The following GPRIN3 variants were observed in gnomAD, a reference collection of about 807,000 sequenced individuals.
GPRIN3 encodes the protein GPRIN family member 3, also known as G protein-regulated inducer of neurite outgrowth 3.
Under a neutral mutation model 13.7 loss-of-function variants are expected in GPRIN3, and 12 were observed. The ratio of observed to expected loss-of-function variants is 0.87; its 90% CI spans 0.56 to 1.42. GPRIN3 has a LOEUF of 1.42. Ranked by LOEUF, GPRIN3 falls within the 40% of genes most tolerant of loss-of-function variation. The pLI is 0.00. For synonymous variants in GPRIN3, 377 were observed against 372.7 expected (o/e 1.01, Z -0.13); for missense variants, 1,009 against 958.7 (o/e 1.05, Z -0.69).
At chr4:89,284,303 A>T (rs1446735594) in intron 1 of GPRIN3, among the ~76,000 whole-genome samples, 3 of 152,198 alleles carry the variant, frequency 2.0e-5, no homozygotes, top group Non-Finnish European at 2.9e-5. Flanking sequence ...GCCATTCAGA[A>T]TTACTGTCCC....
intron 1 of GPRIN3, among the ~76,000 whole-genome samples, chr4:89,288,749 A>G (rs550801304): frequency 1.7e-4 from 26 of 152,328 alleles, no homozygotes; most frequent in Middle Eastern, 6.8e-3. Flanking sequence ...TATCTTAAAA[A>G]GGAACCATCA....
chr4:89,247,840 C>T lies in GPRIN3; in HGVS notation c.2271G>A (p.Leu757=). 1 of 1,614,130 alleles carries T rather than the reference C, an allele frequency of 6.2e-7. No individual in the cohort carries two copies. Among genetic ancestry groups the T allele is most frequent in the Non-Finnish European group, 8.5e-7 (1 of 1,179,990 alleles). The change falls in exon 2 of 2, where the codon CTG becomes CTA. Residue 757 remains leucine (L), a synonymous_variant. Coordinates refer to ENST00000609438, the MANE Select transcript of GPRIN3 (RefSeq NM_198281.3). ...AGCAGTTGGGGCGTCGGAAGTTCTG[C>T]AGCATGGACTGGAAAACACTGTGCT... ...GRQHSVFQSM[L]QNFRRPNCCV...
intron 1 of GPRIN3, among the ~76,000 whole-genome samples, chr4:89,268,479 A>G (rs1723841778): frequency 1.3e-5 from 2 of 152,196 alleles, no homozygotes; most frequent in African/African-American, 4.8e-5. Flanking sequence ...GATGTTTGTG[A>G]GTGGCTATGC....
chr4:89,268,365 A>G (rs1723839287), intron 1 of GPRIN3, among the ~76,000 whole-genome samples: 1 of 152,220 alleles, frequency 6.6e-6, no homozygotes, highest in African/African-American at 2.4e-5. Context: ...CAAGGCTAGA[A>G]AAAGAATCAG....
chr4:89,254,070 C>A (rs947549511), intron 1 of GPRIN3, among the ~76,000 whole-genome samples: 1 of 151,510 alleles, frequency 6.6e-6, no homozygotes, highest in African/African-American at 2.4e-5. Flanking sequence ...AAATGAGGTG[C>A]AAACAGGTGG....
Position 89,262,125 on chromosome 4 carries a change from CAA to C in GPRIN3, c.-123-11894_-123-11893del, listed in dbSNP as rs61290252. Among the ~76,000 whole-genome samples the C allele has an allele frequency of 3.1e-3, 168 of 53,842 alleles. 1 individual carries two copies. The highest frequency in any genetic ancestry group is 8.0e-3 in the African/African-American group (147 of 18,472). 35.3% of individuals were successfully genotyped at this position (53,842 alleles called of 152,430 possible). On this transcript the variant is annotated intron_variant, in intron 1 of 1. Coordinates refer to ENST00000609438, the MANE Select transcript of GPRIN3 (RefSeq NM_198281.3). The stretch of plus-strand genomic sequence containing the variant: ...TAGATGACGGAGTGAGACCCAGTCT[CAA>C]AAAAAAAAAAAAAAAAAGAATTGAT...
At position 89,249,943 on chromosome 4, in the gene GPRIN3, G is replaced by A. The variant is rs772518054; in HGVS notation, c.168C>T (p.Leu56=). Residue 56 remains leucine, a synonymous_variant, in exon 2 of 2, where the codon CTC becomes CTT. Coordinates refer to ENST00000609438, the MANE Select transcript of GPRIN3 (RefSeq NM_198281.3). ...GFSGAPAEPD[L]SPRAAAEALM... ...GGGCTTCGGCAGCTGCCCTGGGGCT[G>A]AGGTCTGGTTCTGCAGGGGCACCTG... 1 of 1,614,204 alleles carries A rather than the reference G, an allele frequency of 6.2e-7. No individual in the cohort carries two copies. The highest frequency in any genetic ancestry group is 8.5e-7 in the Non-Finnish European group (1 of 1,180,026).
chr4:89,286,095 AT>A (rs1724406598), intron 1 of GPRIN3, among the ~76,000 whole-genome samples: 1 of 105,748 alleles, frequency 9.5e-6, no homozygotes, highest in African/African-American at 3.9e-5. Context: ...GTGTGTGTAT[AT>A]ATATATATAT....
rs1019102038 is a variant in GPRIN3, at chr4:89,249,588, C to A, written c.523G>T (p.Gly175Ter). 1.2e-6 allele frequency: 2 copies of A among 1,613,976 alleles called. No homozygotes were observed. Among genetic ancestry groups the A allele is most frequent in the African/African-American group, 2.7e-5 (2 of 74,896 alleles). ...EQPEKPSCPV[G>*]GVLSSSKDQV... Reference sequence around the variant, plus strand: ...TCTTTGCTGCTACTGAGGACGCCTCCCACAGGACAACTTGGTTTCTCAGGT... The same window carrying A: ...TCTTTGCTGCTACTGAGGACGCCTCACACAGGACAACTTGGTTTCTCAGGT... Residue 175 changes from glycine to a stop codon, truncating the protein, a stop_gained, in exon 2 of 2, where the codon GGA becomes TGA. Coordinates refer to ENST00000609438, the MANE Select transcript of GPRIN3 (RefSeq NM_198281.3). LOFTEE classifies it low-confidence loss of function (END_TRUNC).
At chr4:89,270,912 A>C (rs9991188) in intron 1 of GPRIN3, among the ~76,000 whole-genome samples, 65,143 of 151,558 alleles carry the variant, frequency 0.43, 16,761 homozygotes, top group African/African-American at 0.73. Flanking sequence ...GTGGAAGTGG[A>C]AACTGAAAGA....
intron 1 of GPRIN3, among the ~76,000 whole-genome samples, chr4:89,284,232 A>G (rs1435722292): frequency 6.6e-6 from 1 of 152,180 alleles, no homozygotes; most frequent in Non-Finnish European, 1.5e-5. Flanking sequence ...GAGGCCACTA[A>G]AGCAAATGAA....
At chr4:89,258,125 G>T (rs376655471) in intron 1 of GPRIN3, among the ~76,000 whole-genome samples, 1 of 151,416 alleles carries the variant, frequency 6.6e-6, no homozygotes, top group Admixed American at 6.6e-5. Flanking sequence ...CCAGACAAAC[G>T]CCAGAGTATC....
chr4:89,268,985 G>C lies in GPRIN3; in HGVS notation c.-123-18752C>G, dbSNP rs993028232. Among the ~76,000 whole-genome samples, 4 of 152,158 alleles carry C rather than the reference G, an allele frequency of 2.6e-5. 1 individual carries two copies. The highest frequency in any genetic ancestry group is 6.3e-3 in the Middle Eastern group (2 of 316). ...GTTAAGATAAACTTTAAGAATAACA[G>C]CTGGAAGAAGAAAAAGGAGAAGCTC... On this transcript the variant is annotated intron_variant, in intron 1 of 1. Coordinates refer to ENST00000609438, the MANE Select transcript of GPRIN3 (RefSeq NM_198281.3).
chr4:89,255,043 T>C (rs956065088), intron 1 of GPRIN3, among the ~76,000 whole-genome samples: 1 of 152,172 alleles, frequency 6.6e-6, no homozygotes, highest in Non-Finnish European at 1.5e-5. Flanking sequence ...ATTACTTACC[T>C]GGGGTTGTGT....
rs1723092667 is a variant in GPRIN3, at chr4:89,246,182, C to A, written c.*1598G>T. 6.6e-6 allele frequency: 1 copy of A among 152,150 alleles called. No individual in the cohort carries two copies. Among genetic ancestry groups the A allele is most frequent in the Non-Finnish European group, 1.5e-5 (1 of 68,044 alleles). 9.4% of individuals were successfully genotyped at this position (152,150 alleles called of 1,614,324 possible). A position where few individuals can be genotyped will look rare whatever the true frequency, so the allele number is the denominator to read the frequency against. ...ACAGATACTGTGAATTGACTGTACC[C>A]ACGGGACACATGAGTCTCTAGAGAG... On this transcript the variant is annotated 3_prime_UTR_variant, in exon 2 of 2. Transcript: ENST00000609438.
intron 1 of GPRIN3, among the ~76,000 whole-genome samples, chr4:89,287,521 A>T (rs1724456169): frequency 6.6e-6 from 1 of 152,192 alleles, no homozygotes; most frequent in South Asian, 2.1e-4. Context: ...ATTTAAAGGC[A>T]GGGAGGTACA....
chr4:89,247,947 T>G lies in GPRIN3; in HGVS notation c.2164A>C (p.Lys722Gln). Residue 722 changes from lysine (K) to glutamine (Q), a missense_variant, in exon 2 of 2, where the codon AAA becomes CAA. Coordinates refer to ENST00000609438, the MANE Select transcript of GPRIN3 (RefSeq NM_198281.3). Reference protein sequence around the residue: ...HLQRQIREHEKLIKTQNSQTR... With the variant: ...HLQRQIREHEQLIKTQNSQTR... ...TGGCTATTTTGAGTTTTGATTAATT[T>G]CTCATGTTCCCTGATTTGTCTTTGC... 1 of 1,614,180 alleles carries G rather than the reference T, an allele frequency of 6.2e-7. No homozygotes were observed. Among genetic ancestry groups the G allele is most frequent in the Non-Finnish European group, 8.5e-7 (1 of 1,180,014 alleles).
intron 1 of GPRIN3, among the ~76,000 whole-genome samples, chr4:89,272,326 A>G (rs1421720793): frequency 6.6e-6 from 1 of 152,144 alleles, no homozygotes; most frequent in Non-Finnish European, 1.5e-5. Flanking sequence ...TAAAATGGCA[A>G]TTGCTGGTGT....
rs1018092219 is a variant in GPRIN3 at position 89,246,856 on chromosome 4, T to C, written c.*924A>G. 3 of 152,258 alleles carry C rather than the reference T, an allele frequency of 2.0e-5. No homozygotes were observed. The highest frequency in any genetic ancestry group is 2.9e-5 in the Non-Finnish European group (2 of 68,046). 9.4% of individuals were successfully genotyped at this position (152,258 alleles called of 1,614,324 possible). On this transcript the variant is annotated 3_prime_UTR_variant, in exon 2 of 2. Coordinates refer to ENST00000609438, the MANE Select transcript of GPRIN3 (RefSeq NM_198281.3). ...GCAGTGTTTGGTAATCTGCTATTTA[T>C]AGTTCCTGACCAGAACCTTAGCATT...
Sources: allele counts gnomAD v4.1 joint callset (sites outside exome capture counted in the v4.1 genomes callset), GRCh38; gene constraint gnomAD v4.1.1; transcripts MANE v1.5; gene names NCBI Gene and HGNC (gene_info 2026-07-23, HGNC 2026-07-21).